The following LRRC37A2 variants were observed in gnomAD, a reference collection of about 807,000 sequenced individuals.
LRRC37A2 encodes leucine-rich repeat-containing protein 37A2.
In LRRC37A2, 9 loss-of-function variants were observed where a neutral mutation model predicts 68.8. The observed-to-expected ratio is 0.13, with a 90% confidence interval of 0.08 to 0.23. LRRC37A2 has a LOEUF of 0.23. Among genes scored for constraint, LRRC37A2 ranks in the 10% least tolerant of loss-of-function variants. The probability of loss-of-function intolerance (pLI) is 1.00; values close to 1 mark genes in which losing one functional copy is unlikely to be tolerated. For missense variants in LRRC37A2, 168 were observed against 950.4 expected (o/e 0.18, Z 10.82); for synonymous variants, 63 against 367.6 (o/e 0.17, Z 9.48).
the LRRC37A2 span, among the ~76,000 whole-genome samples, chr17:46,821,388 C>T: frequency 6.6e-6 from 1 of 152,236 alleles, no homozygotes; most frequent in African/African-American, 2.4e-5. Flanking sequence ...TTTCCTTCCT[C>T]CTGCACCCCT....
chr17:46,743,096 G>C, the LRRC37A2 span, among the ~76,000 whole-genome samples: 1 of 152,188 alleles, frequency 6.6e-6, no homozygotes, highest in East Asian at 1.9e-4. Context: ...CCTTCGGAGG[G>C]GGTGTCTGAC....
chr17:46,610,027 TTC>T, the LRRC37A2 span, among the ~76,000 whole-genome samples: 163 of 109,544 alleles, frequency 1.5e-3, 13 homozygotes, highest in African/African-American at 4.8e-3. Context: ...CTTTCTTTCT[TTC>T]TCTCTCTCTC....
the LRRC37A2 span, among the ~76,000 whole-genome samples, chr17:46,727,059 A>C: frequency 1.2e-3 from 181 of 152,334 alleles, 1 homozygote; most frequent in African/African-American, 4.1e-3. Context: ...TCTGCACCTC[A>C]GTTTCTGCTC....
At chr17:46,912,502 T>C in the LRRC37A2 span, among the ~76,000 whole-genome samples, 1 of 152,182 alleles carries the variant, frequency 6.6e-6, no homozygotes, top group African/African-American at 2.4e-5. Flanking sequence ...CCTGCCTTGC[T>C]CCTGGCTGTT....
the LRRC37A2 span, among the ~76,000 whole-genome samples, chr17:47,020,990 A>G: frequency 1.1e-4 from 16 of 152,008 alleles, no homozygotes; most frequent in African/African-American, 3.6e-4. Flanking sequence ...GTTAAATAGA[A>G]AAAAAATGGG....
the LRRC37A2 span, among the ~76,000 whole-genome samples, chr17:46,891,044 T>C: frequency 6.6e-6 from 1 of 152,064 alleles, no homozygotes; most frequent in African/African-American, 2.4e-5. Flanking sequence ...AAGAGCAGGA[T>C]TTTGAATTTA....
At chr17:46,923,820 C>T in the LRRC37A2 span, 6 of 400,364 alleles carry the variant, frequency 1.5e-5, no homozygotes, top group Non-Finnish European at 2.2e-5. Context: ...TTGGTAGTGT[C>T]CTTTATTCGC....
chr17:46,877,796 G>A, the LRRC37A2 span, among the ~76,000 whole-genome samples: 398 of 152,306 alleles, frequency 2.6e-3, 2 homozygotes, highest in African/African-American at 9.0e-3. Context: ...TATTCTTGTG[G>A]CTGCTCATCT....
chr17:46,814,340 G>C, the LRRC37A2 span, among the ~76,000 whole-genome samples: 1 of 152,140 alleles, frequency 6.6e-6, no homozygotes, highest in Non-Finnish European at 1.5e-5. Flanking sequence ...CGTTTGACCT[G>C]TTTTCTTCTT....
chr17:46,875,328 G>T, the LRRC37A2 span: 1 of 1,612,564 alleles, frequency 6.2e-7, no homozygotes, highest in Non-Finnish European at 8.5e-7. Flanking sequence ...GGACCTGCGG[G>T]CACGGGCAGA....
chr17:46,863,622 C>G, the LRRC37A2 span, among the ~76,000 whole-genome samples: 1 of 152,080 alleles, frequency 6.6e-6, no homozygotes, highest in Non-Finnish European at 1.5e-5. Flanking sequence ...TCTGGGACCT[C>G]GGGGTGATCA....
the LRRC37A2 span, among the ~76,000 whole-genome samples, chr17:46,819,929 C>T: frequency 6.6e-6 from 1 of 152,210 alleles, no homozygotes. This position sits in a 1 kb window ranked among gnomAD's most constrained non-coding sequence, Gnocchi z 5.3. Context: ...ACCTGAGGCA[C>T]CAGGACTCTG....
the LRRC37A2 span, among the ~76,000 whole-genome samples, chr17:46,907,898 A>G: frequency 6.6e-6 from 1 of 151,970 alleles, no homozygotes; most frequent in Admixed American, 6.6e-5. Context: ...AAACAGGAGC[A>G]GACAAAAAGG....
the LRRC37A2 span, among the ~76,000 whole-genome samples, chr17:46,904,905 T>C: frequency 4.6e-5 from 7 of 152,080 alleles, no homozygotes; most frequent in African/African-American, 1.7e-4. Flanking sequence ...CCCATCTCTT[T>C]GGGGCCCCTC....
chr17:46,931,423 C>T, the LRRC37A2 span: 3 of 582,168 alleles, frequency 5.2e-6, no homozygotes, highest in Non-Finnish European at 3.1e-6. Context: ...AACCTTGTGA[C>T]CCCTTACCTC....
chr17:46,796,129 C>A, the LRRC37A2 span, among the ~76,000 whole-genome samples: 4 of 152,202 alleles, frequency 2.6e-5, no homozygotes, highest in African/African-American at 9.7e-5. Context: ...CAATCCTGAT[C>A]TTATTGCTAC....
At chr17:46,783,846 C>T in the LRRC37A2 span, among the ~76,000 whole-genome samples, 4 of 152,218 alleles carry the variant, frequency 2.6e-5, no homozygotes, top group African/African-American at 9.7e-5. Flanking sequence ...GGGGAAGCAG[C>T]TAGAAAGGGG....
chr17:47,043,338 C>G, the LRRC37A2 span, among the ~76,000 whole-genome samples: 14 of 151,660 alleles, frequency 9.2e-5, no homozygotes, highest in Non-Finnish European at 1.6e-4. Flanking sequence ...AGACATCATG[C>G]CAGGCACGGG....
At chr17:47,035,026 G>A in the LRRC37A2 span, 19 of 152,108 alleles carry the variant, frequency 1.2e-4, no homozygotes, top group African/African-American at 4.6e-4. Flanking sequence ...GTGGCTCCCA[G>A]CCTCGCCACT....
Sources: gnomAD v4.1 joint callset for allele counts (sites outside exome capture counted in the v4.1 genomes callset) on GRCh38, gnomAD v4.1.1 for gene constraint, Gnocchi (gnomAD v3.1) non-coding constraint, MANE v1.5 for transcripts, NCBI Gene and HGNC (gene_info 2026-07-23, HGNC 2026-07-21) for gene names.